Variants in UGT2A2 observed in about 807,000 individuals in gnomAD.
The protein encoded by UGT2A2 is UDP-glucuronosyltransferase 2A2.
In UGT2A2, 60 loss-of-function variants were observed where a neutral mutation model predicts 50.7. The ratio of observed to expected loss-of-function variants is 1.18; its 90% CI spans 0.96 to 1.47. The LOEUF (loss-of-function observed/expected upper bound fraction) is 1.47, where lower values mean the gene tolerates loss of function less well. Among genes scored for constraint, UGT2A2 ranks in the 40% most tolerant of loss-of-function variants. The probability of loss-of-function intolerance (pLI) is 0.00; values close to 1 mark genes in which losing one functional copy is unlikely to be tolerated. For synonymous variants in UGT2A2, 242 were observed against 214.6 expected, an observed-to-expected ratio of 1.13 and a Z score of -1.11; for missense variants, 762 against 634.0, an observed-to-expected ratio of 1.20 and a Z score of -2.17.
At chr4:69,624,594 AT>A (rs888519279) in intron 1 of UGT2A2, among the ~76,000 whole-genome samples, 24 of 149,738 alleles carry the variant, frequency 1.6e-4, no homozygotes, top group South Asian at 6.3e-4. Flanking sequence ...ATCCTAGTTG[AT>A]TTTTTTTAGC....
intron 1 of UGT2A2, among the ~76,000 whole-genome samples, chr4:69,619,020 T>C (rs1177179540): frequency 1.3e-5 from 2 of 151,868 alleles, no homozygotes; most frequent in Non-Finnish European, 2.9e-5. Flanking sequence ...AAAAGTTATA[T>C]ATTATACAAT....
intron 2 of UGT2A2, among the ~76,000 whole-genome samples, chr4:69,597,945 G>A (rs1432314): frequency 0.19 from 29,584 of 151,928 alleles, 3,497 homozygotes; most frequent in East Asian, 0.55. Flanking sequence ...GTCTGCTATT[G>A]TAAAACATGG....
intron 1 of UGT2A2, among the ~76,000 whole-genome samples, chr4:69,619,463 A>G (rs1243035765): frequency 6.6e-6 from 1 of 151,896 alleles, no homozygotes; most frequent in Non-Finnish European, 1.5e-5. Context: ...AATATACAAA[A>G]GTAAATTGCA....
intron 1 of UGT2A2, among the ~76,000 whole-genome samples, chr4:69,626,934 T>G (rs1338159428): frequency 6.6e-6 from 1 of 151,862 alleles, no homozygotes; most frequent in Non-Finnish European, 1.5e-5. Context: ...TTTTTGGTAT[T>G]ACTAGATGGT....
At chr4:69,634,952 G>T (rs1189887571) in intron 1 of UGT2A2, among the ~76,000 whole-genome samples, 4 of 152,104 alleles carry the variant, frequency 2.6e-5, no homozygotes, top group East Asian at 1.9e-4. Flanking sequence ...CTGGGATAAG[G>T]TAACATTAGT....
chr4:69,604,252 G>A (rs1719468633), intron 1 of UGT2A2, among the ~76,000 whole-genome samples: 1 of 136,458 alleles, frequency 7.3e-6, no homozygotes, highest in Admixed American at 7.2e-5. Context: ...AAGACAGTGG[G>A]GACCAATATT....
At chr4:69,599,534 T>C (rs1719135929) in intron 1 of UGT2A2, 140 bp from the exon 2 acceptor site, 1 of 1,197,130 alleles carries the variant, frequency 8.4e-7, no homozygotes. Flanking sequence ...CATGTTTATA[T>C]ATTAAGAAGA....
chr4:69,601,669 T>C (rs1719302795), intron 1 of UGT2A2, among the ~76,000 whole-genome samples: 1 of 152,058 alleles, frequency 6.6e-6, no homozygotes, highest in African/African-American at 2.4e-5. Context: ...TCAACATTGC[T>C]AAGGCCAATA....
intron 5 of UGT2A2, among the ~76,000 whole-genome samples, chr4:69,591,954 T>C (rs545828166): frequency 8.9e-4 from 135 of 152,310 alleles, no homozygotes; most frequent in Non-Finnish European, 1.6e-3. Flanking sequence ...TCTAAAATTA[T>C]GACTTATACA....
intron 2 of UGT2A2, among the ~76,000 whole-genome samples, chr4:69,598,760 A>T (rs1376690449): frequency 6.6e-6 from 1 of 152,140 alleles, no homozygotes; most frequent in Non-Finnish European, 1.5e-5. Flanking sequence ...CAACTGTCTA[A>T]TAAATTCTCA....
At chr4:69,606,684 G>T (rs1311899451) in intron 1 of UGT2A2, among the ~76,000 whole-genome samples, 1 of 136,650 alleles carries the variant, frequency 7.3e-6, no homozygotes, top group Non-Finnish European at 1.6e-5. Flanking sequence ...CATCGTCTCA[G>T]CCCAAAATCT....
At chr4:69,609,538 T>C (rs1197315683) in intron 1 of UGT2A2, among the ~76,000 whole-genome samples, 1 of 152,020 alleles carries the variant, frequency 6.6e-6, no homozygotes, top group Non-Finnish European at 1.5e-5. Flanking sequence ...TATATCTCAA[T>C]ACAACTGTTA....
At chr4:69,608,433 G>A (rs553824647) in intron 1 of UGT2A2, among the ~76,000 whole-genome samples, 2 of 132,498 alleles carry the variant, frequency 1.5e-5, no homozygotes, top group Non-Finnish European at 3.2e-5. Flanking sequence ...GGTGGGGGGA[G>A]GGGGGAAGGA....
intron 2 of UGT2A2, among the ~76,000 whole-genome samples, chr4:69,598,182 C>A (rs1056515337): frequency 6.6e-6 from 1 of 152,032 alleles, no homozygotes; most frequent in Non-Finnish European, 1.5e-5. Flanking sequence ...CCAGAAAATC[C>A]TGAAATAAAA....
intron 1 of UGT2A2, among the ~76,000 whole-genome samples, chr4:69,622,930 T>A (rs1239518761): frequency 6.6e-6 from 1 of 151,886 alleles, no homozygotes; most frequent in Non-Finnish European, 1.5e-5. Context: ...AGGTCTTGGC[T>A]ATAATTTTCA....
At chr4:69,600,226 C>T (rs1278085308) in intron 1 of UGT2A2, among the ~76,000 whole-genome samples, 1 of 152,216 alleles carries the variant, frequency 6.6e-6, no homozygotes, top group Middle Eastern at 3.4e-3. Flanking sequence ...TTAACCCTAC[C>T]CAGTACTGGA....
At position 69,594,662 on chromosome 4, in the gene UGT2A2, A is replaced by G; in HGVS notation, c.1146T>C (p.Gly382=). 6.2e-7 allele frequency: 1 copy of G among 1,614,052 alleles called. No individual in the cohort carries two copies. Among genetic ancestry groups the G allele is most frequent in the Non-Finnish European group, 8.5e-7 (1 of 1,179,980 alleles). ...TAGCTTCGTAGATCCCATTAGTTCCACCATGAGTGATAAAAGCTTTGGTTT... is the reference window on the plus strand; with the variant it reads ...TAGCTTCGTAGATCCCATTAGTTCCGCCATGAGTGATAAAAGCTTTGGTTT... The part of the protein sequence containing the change: ...HPKTKAFITH[G]GTNGIYEAIY... The change falls in exon 5 of 6, where the codon GGT becomes GGC. Residue 382 remains glycine (G), a synonymous_variant. Transcript: ENST00000604629.
Position 69,594,603 on chromosome 4 carries a change from A to T in UGT2A2, c.1205T>A (p.Met402Lys). ...YHGVPMVGVP[M>K]FADQPDNIAH... ...AATGTTATCAGGCTGATCAGCAAAC[A>T]TGGGAACTCCCACCATAGGGACTCC... The change falls in exon 5 of 6, where the codon ATG becomes AAG. Residue 402 changes from methionine (M) to lysine (K), a missense_variant. Transcript: ENST00000604629. 6.2e-7 allele frequency: 1 copy of T among 1,614,148 alleles called. No individual in the cohort carries two copies. The highest frequency in any genetic ancestry group is 8.5e-7 in the Non-Finnish European group (1 of 1,180,034).
chr4:69,611,113 TA>T (rs5859193), intron 1 of UGT2A2, among the ~76,000 whole-genome samples: 1 of 151,040 alleles, frequency 6.6e-6, no homozygotes, highest in African/African-American at 2.4e-5. Context: ...ATCAGTGAAG[TA>T]AAAAAAGAAA....
Sources: gnomAD v4.1 joint callset for allele counts (sites outside exome capture counted in the v4.1 genomes callset) on GRCh38, gnomAD v4.1.1 for gene constraint, MANE v1.5 for transcripts, NCBI Gene and HGNC (gene_info 2026-07-23, HGNC 2026-07-21) for gene names.